ST6GAL2: variants seen among roughly 807,000 people sequenced by gnomAD.
ST6GAL2 encodes ST6 beta-galactoside alpha-2,6-sialyltransferase 2.
In ST6GAL2, 24 loss-of-function variants were observed where a neutral mutation model predicts 37.5. The ratio of observed to expected loss-of-function variants is 0.64; its 90% CI spans 0.46 to 0.90. The LOEUF is 0.90. Among genes scored for constraint, ST6GAL2 ranks in the 40% least tolerant of loss-of-function variants. The probability of loss-of-function intolerance (pLI) is 0.00; values close to 1 mark genes in which losing one functional copy is unlikely to be tolerated. For missense variants in ST6GAL2, 715 were observed against 712.7 expected, an observed-to-expected ratio of 1.00 and a Z score of -0.04; for synonymous variants, 306 against 295.1, an observed-to-expected ratio of 1.04 and a Z score of -0.38.
chr2:106,825,254 C>T (rs1676159308), intron 5 of ST6GAL2, among the ~76,000 whole-genome samples: 1 of 152,222 alleles, frequency 6.6e-6, no homozygotes, highest in African/African-American at 2.4e-5. Context: ...CTCAGATCCC[C>T]CGTTCTCTGG....
At chr2:106,857,178 G>T (rs1558714728) in intron 1 of ST6GAL2, among the ~76,000 whole-genome samples, 1 of 152,178 alleles carries the variant, frequency 6.6e-6, no homozygotes, top group Admixed American at 6.5e-5. Flanking sequence ...ATGCCAAGTT[G>T]CTAAGGACCT....
intron 5 of ST6GAL2, among the ~76,000 whole-genome samples, chr2:106,827,187 T>C (rs1353641968): frequency 6.6e-6 from 1 of 152,178 alleles, no homozygotes; most frequent in Non-Finnish European, 1.5e-5. Context: ...AGAACACTTT[T>C]TGATAGCAGA....
At chr2:106,858,617 A>T (rs988356360) in intron 1 of ST6GAL2, among the ~76,000 whole-genome samples, 3 of 152,224 alleles carry the variant, frequency 2.0e-5, no homozygotes, top group African/African-American at 7.2e-5. Context: ...GGGCTGATGG[A>T]AAACAAGAGT....
intron 1 of ST6GAL2, among the ~76,000 whole-genome samples, chr2:106,875,959 G>T (rs1530663): frequency 0.078 from 11,939 of 152,168 alleles, 1,045 homozygotes; most frequent in East Asian, 0.45. Flanking sequence ...ATTAAACTCA[G>T]TTAGTAGATT....
At chr2:106,852,637 C>T (rs1190513253) in intron 1 of ST6GAL2, among the ~76,000 whole-genome samples, 6 of 152,218 alleles carry the variant, frequency 3.9e-5, no homozygotes, top group Non-Finnish European at 8.8e-5. Flanking sequence ...GGGGAATGTA[C>T]TGCAATGGCA....
intron 5 of ST6GAL2, among the ~76,000 whole-genome samples, chr2:106,814,973 G>T (rs1191852222): frequency 6.6e-6 from 1 of 152,212 alleles, no homozygotes; most frequent in Non-Finnish European, 1.5e-5. Flanking sequence ...TGGAGAAGTT[G>T]TTCCAAAGAA....
intron 1 of ST6GAL2, among the ~76,000 whole-genome samples, chr2:106,875,458 G>T (rs1477990695): frequency 2.0e-5 from 3 of 152,134 alleles, no homozygotes; most frequent in African/African-American, 7.2e-5. Context: ...GATTACAGGC[G>T]TGAGCCACTG....
intron 1 of ST6GAL2, among the ~76,000 whole-genome samples, chr2:106,866,032 A>C (rs532546806): frequency 6.6e-6 from 1 of 152,238 alleles, no homozygotes; most frequent in Non-Finnish European, 1.5e-5. Flanking sequence ...CAGCAGTAGA[A>C]GTGGCAGGAA....
At chr2:106,874,357 G>C (rs1328539404) in intron 1 of ST6GAL2, among the ~76,000 whole-genome samples, 1 of 152,108 alleles carries the variant, frequency 6.6e-6, no homozygotes, top group Non-Finnish European at 1.5e-5. Flanking sequence ...CATAATAATC[G>C]GGTCAAGGAG....
chr2:106,849,868 C>G (rs1395110305), intron 1 of ST6GAL2, among the ~76,000 whole-genome samples: 2 of 152,162 alleles, frequency 1.3e-5, no homozygotes, highest in African/African-American at 2.4e-5. Context: ...ACTTATAAAC[C>G]CGCATTTCAA....
chr2:106,877,238 C>A (rs920776463), intron 1 of ST6GAL2, among the ~76,000 whole-genome samples: 2 of 152,176 alleles, frequency 1.3e-5, no homozygotes, highest in Non-Finnish European at 2.9e-5. Flanking sequence ...TTCTTGCAGA[C>A]CTTCGATCCC....
rs1676966241 is a variant in ST6GAL2 at position 106,843,105 on chromosome 2, G to A, written c.873C>T (p.Arg291=). The change falls in exon 2 of 6, where the codon CGC becomes CGT. Residue 291 remains arginine (R), a synonymous_variant. Transcript: ENST00000409382. ...TGACGACAGCGCAGCTGCGCAGGCC[G>A]CGGGGGTGCAGCTGGCTCAGGGGCA... is the stretch of plus-strand genomic sequence containing the variant. ...PAVPLSQLHP[R]GLRSCAVVMS... The A allele has an allele frequency of 3.2e-6, 5 of 1,551,154 alleles. No individual in the cohort carries two copies. The highest frequency in any genetic ancestry group is 4.3e-6 in the Non-Finnish European group (5 of 1,155,266).
At chr2:106,884,663 T>C (rs1350597734) in intron 1 of ST6GAL2, among the ~76,000 whole-genome samples, 1 of 152,104 alleles carries the variant, frequency 6.6e-6, no homozygotes, top group African/African-American at 2.4e-5. Flanking sequence ...TTTTTAACTT[T>C]GCAGTAAAAT....
rs751273892 is a variant in ST6GAL2, at chr2:106,832,559, A to G, written c.1143+6T>C. 4 of 1,526,326 alleles carry G rather than the reference A, an allele frequency of 2.6e-6. No individual in the cohort carries two copies. In the East Asian group the frequency reaches 6.9e-5, roughly 26 times the overall value. 94.5% of individuals were successfully genotyped at this position (1,526,326 alleles called of 1,614,324 possible). On this transcript the variant is annotated splice_donor_region_variant and intron_variant, in intron 4 of 5. Transcript: ENST00000409382. ...TTGGGGTGGGCAAATCCAGGGAAAC[A>G]CTTACCAGGTTAAGATTTGCGGAAT...
At chr2:106,863,720 A>C (rs535531544) in intron 1 of ST6GAL2, among the ~76,000 whole-genome samples, 1 of 152,316 alleles carries the variant, frequency 6.6e-6, no homozygotes, top group Non-Finnish European at 1.5e-5. Flanking sequence ...GTAAAATAAG[A>C]AGAGTAATTA....
rs1454332811 is a variant in ST6GAL2 at position 106,844,021 on chromosome 2, G to A, written c.-44C>T. ...GCACCTTGTGTCTTAATGCAGATGGGTGGCAGAATGAACCTGAAAAACAGC... is the reference window on the plus strand; with the variant it reads ...GCACCTTGTGTCTTAATGCAGATGGATGGCAGAATGAACCTGAAAAACAGC... On this transcript the variant is annotated 5_prime_UTR_variant, in exon 2 of 6. Coordinates refer to ENST00000409382, the MANE Select transcript of ST6GAL2 (RefSeq NM_001142351.2). 1.4e-6 allele frequency: 2 copies of A among 1,476,726 alleles called. No homozygotes were observed. Among genetic ancestry groups the A allele is most frequent in the African/African-American group, 2.8e-5 (2 of 71,308 alleles). 91.5% of individuals were successfully genotyped at this position (1,476,726 alleles called of 1,614,324 possible).
chr2:106,829,309 A>G (rs535991256), intron 5 of ST6GAL2, among the ~76,000 whole-genome samples: 31 of 152,348 alleles, frequency 2.0e-4, no homozygotes, highest in Admixed American at 5.2e-4. Flanking sequence ...TGTTGGCCTT[A>G]AGAAACTGGC....
rs779904174 is a variant in ST6GAL2 at position 106,830,055 on chromosome 2, A to G, written c.1318+11T>C. The G allele has an allele frequency of 1.9e-6, 3 of 1,613,420 alleles. No individual in the cohort carries two copies. The highest frequency in any genetic ancestry group is 2.2e-5 in the South Asian group (2 of 91,004). On this transcript the variant is annotated intron_variant, in intron 5 of 5. Coordinates refer to ENST00000409382, the MANE Select transcript of ST6GAL2 (RefSeq NM_001142351.2). ...CCCCCCAATCATTCCAATTTTTAACATAACACCTACCAATGAAACCAGAAG... is the reference window on the plus strand; with the variant it reads ...CCCCCCAATCATTCCAATTTTTAACGTAACACCTACCAATGAAACCAGAAG...
At chr2:106,812,261 C>T (rs1300449189) in intron 5 of ST6GAL2, among the ~76,000 whole-genome samples, 1 of 152,202 alleles carries the variant, frequency 6.6e-6, no homozygotes, top group Admixed American at 6.5e-5. Context: ...TGCTCTCTAA[C>T]GTCTCACCTC....
Sources: allele counts gnomAD v4.1 joint callset (sites outside exome capture counted in the v4.1 genomes callset), GRCh38; gene constraint gnomAD v4.1.1; transcripts MANE v1.5; gene names NCBI Gene and HGNC (gene_info 2026-07-23, HGNC 2026-07-21).